MDGA2: variants seen among roughly 807,000 people sequenced by gnomAD.
The protein encoded by MDGA2 is MAM domain containing glycosylphosphatidylinositol anchor 2.
In MDGA2, 40 loss-of-function variants were observed where a neutral mutation model predicts 117.8. That is an observed-to-expected ratio of 0.34 (90% CI 0.26 to 0.44). The LOEUF is 0.44. MDGA2 is among the 20% of genes least tolerant of loss of function. The pLI is 1.00. For missense variants in MDGA2, 1,123 were observed against 1,250.6 expected, an observed-to-expected ratio of 0.90 and a Z score of 1.54; for synonymous variants, 452 against 439.0, an observed-to-expected ratio of 1.03 and a Z score of -0.37.
At chr14:47,033,627 A>C (rs1888739340) in intron 8 of MDGA2, among the ~76,000 whole-genome samples, 1 of 152,192 alleles carries the variant, frequency 6.6e-6, no homozygotes, top group Admixed American at 6.6e-5. Flanking sequence ...AGAAAAAGGC[A>C]ATATTAAACT....
intron 8 of MDGA2, among the ~76,000 whole-genome samples, chr14:46,980,282 G>A (rs8009084): frequency 0.058 from 8,762 of 152,204 alleles, 486 homozygotes; most frequent in Admixed American, 0.18. Flanking sequence ...CAGATGTGCT[G>A]GAAATAGCAA....
At chr14:46,969,930 TTCCATATATATATATA>T (rs1212978690) in intron 8 of MDGA2, among the ~76,000 whole-genome samples, 25 of 135,814 alleles carry the variant, frequency 1.8e-4, no homozygotes, top group Admixed American at 3.1e-4. Context: ...ACTTAAAGTA[TTCCATATATATATATA>T]TATATATATA....
chr14:47,240,880 T>C (rs572376576), intron 2 of MDGA2, among the ~76,000 whole-genome samples: 2 of 151,912 alleles, frequency 1.3e-5, no homozygotes, highest in Non-Finnish European at 2.9e-5. Context: ...CATATTTTAT[T>C]ACCAATTACT....
intron 3 of MDGA2, among the ~76,000 whole-genome samples, chr14:47,187,836 C>G (rs539548539): frequency 7.8e-4 from 118 of 152,048 alleles, no homozygotes; most frequent in African/African-American, 2.8e-3. Flanking sequence ...AAATCAAAGT[C>G]AGGATGTCAG....
chr14:47,024,408 T>C (rs752181273), intron 8 of MDGA2, among the ~76,000 whole-genome samples: 1 of 152,202 alleles, frequency 6.6e-6, no homozygotes, highest in Non-Finnish European at 1.5e-5. Flanking sequence ...AACAGAATAC[T>C]CAAGAAACAT....
At chr14:47,420,689 A>C (rs1302874536) in intron 1 of MDGA2, among the ~76,000 whole-genome samples, 1 of 152,134 alleles carries the variant, frequency 6.6e-6, no homozygotes, top group African/African-American at 2.4e-5. Context: ...ATGAAGCCAT[A>C]GGTATTACAG....
chr14:46,970,185 A>G (rs1886209920), intron 8 of MDGA2, among the ~76,000 whole-genome samples: 1 of 151,944 alleles, frequency 6.6e-6, no homozygotes, highest in Non-Finnish European at 1.5e-5. Flanking sequence ...TTTTCACAGA[A>G]TTAGAAAAAA....
At chr14:47,489,747 C>T (rs986832686) in intron 1 of MDGA2, among the ~76,000 whole-genome samples, 3 of 152,042 alleles carry the variant, frequency 2.0e-5, no homozygotes, top group African/African-American at 7.2e-5. Flanking sequence ...CAATGTCATG[C>T]AAGTACTCAA....
Position 46,855,169 on chromosome 14 carries a change from A to C in MDGA2, c.2753-15T>G, listed in dbSNP as rs769442582. 9 of 1,588,178 alleles carry C rather than the reference A, an allele frequency of 5.7e-6. No individual in the cohort carries two copies. The Admixed American group carries it at 1.1e-4, about 20-fold the overall frequency. On this transcript the variant is annotated splice_polypyrimidine_tract_variant and intron_variant, in intron 14 of 16. Transcript: ENST00000399232. This position sits in a 1 kb window ranked among gnomAD's most constrained non-coding sequence, Gnocchi z 4.1. Reference sequence around the variant, plus strand: ...ATTTAAGACACCTAAAAATGACAATAAAATTTTATTTTGCATATTCATTTT... The same window carrying C: ...ATTTAAGACACCTAAAAATGACAATCAAATTTTATTTTGCATATTCATTTT...
chr14:47,170,257 A>T (rs1884064264), intron 3 of MDGA2, among the ~76,000 whole-genome samples: 1 of 152,162 alleles, frequency 6.6e-6, no homozygotes, highest in South Asian at 2.1e-4. Context: ...GGCAAATGAG[A>T]AGAAGGAAAG....
intron 1 of MDGA2, among the ~76,000 whole-genome samples, chr14:47,333,538 TCAGA>T (rs1206849757): frequency 4.0e-5 from 6 of 151,894 alleles, no homozygotes; most frequent in Non-Finnish European, 7.4e-5. Flanking sequence ...ATCCAAATGA[TCAGA>T]CAATTTTTAT....
chr14:47,541,263 G>A (rs797022061), intron 1 of MDGA2, among the ~76,000 whole-genome samples: 3 of 152,302 alleles, frequency 2.0e-5, no homozygotes, highest in African/African-American at 7.2e-5. Context: ...GCACTTTGGG[G>A]TATAATCTAG....
chr14:46,954,279 T>C (rs1885478986), intron 9 of MDGA2, among the ~76,000 whole-genome samples: 1 of 152,008 alleles, frequency 6.6e-6, no homozygotes, highest in South Asian at 2.1e-4. Flanking sequence ...GTGATAAAAC[T>C]GAGGACAGTT....
chr14:46,974,987 A>T (rs1362305641), intron 8 of MDGA2, among the ~76,000 whole-genome samples: 1 of 151,998 alleles, frequency 6.6e-6, no homozygotes, highest in Non-Finnish European at 1.5e-5. Flanking sequence ...ATGGATAAAA[A>T]CTCCTAAAAC....
chr14:47,430,806 A>T (rs950390700), intron 1 of MDGA2, among the ~76,000 whole-genome samples: 5 of 152,136 alleles, frequency 3.3e-5, no homozygotes, highest in Admixed American at 6.6e-5. Context: ...AAGTATAAGA[A>T]TTATCTAAAT....
chr14:47,119,052 C>CT (rs371151507), intron 5 of MDGA2, among the ~76,000 whole-genome samples: 5,117 of 124,314 alleles, frequency 0.041, 315 homozygotes, highest in African/African-American at 0.14. Flanking sequence ...TACATATTCT[C>CT]TTTTTTTTTT....
chr14:47,582,680 T>C (rs1896250831), intron 1 of MDGA2, among the ~76,000 whole-genome samples: 1 of 151,908 alleles, frequency 6.6e-6, no homozygotes, highest in African/African-American at 2.4e-5. Context: ...CAAAGCAGGA[T>C]GTATCGATGC....
chr14:47,607,896 T>C (rs1297821075), intron 1 of MDGA2, among the ~76,000 whole-genome samples: 2 of 152,122 alleles, frequency 1.3e-5, no homozygotes, highest in Non-Finnish European at 2.9e-5. Context: ...GGAAAAGTGT[T>C]CATAATATGA....
intron 1 of MDGA2, among the ~76,000 whole-genome samples, chr14:47,538,673 T>A (rs930857968): frequency 6.6e-6 from 1 of 152,186 alleles, no homozygotes; most frequent in Non-Finnish European, 1.5e-5. Context: ...TACCACATGA[T>A]GTGATTGTGT....
Sources: allele counts gnomAD v4.1 joint callset (sites outside exome capture counted in the v4.1 genomes callset), GRCh38; gene constraint gnomAD v4.1.1; non-coding constraint Gnocchi (gnomAD v3.1); transcripts MANE v1.5; gene names NCBI Gene and HGNC (gene_info 2026-07-23, HGNC 2026-07-21).